UNK: variants seen among roughly 807,000 people sequenced by gnomAD.
The protein encoded by UNK is RING finger protein unkempt homolog.
In UNK, 32 loss-of-function variants were observed where a neutral mutation model predicts 97.6. The observed-to-expected ratio is 0.33, with a 90% CI of 0.25 to 0.44. UNK has a LOEUF of 0.44. Ranked by LOEUF, UNK falls within the 20% of genes least tolerant of loss-of-function variation. UNK has a pLI of 1.00. For missense variants in UNK, 771 were observed against 1,098.4 expected, an observed-to-expected ratio of 0.70 and a Z score of 4.21; for synonymous variants, 441 against 461.2, an observed-to-expected ratio of 0.96 and a Z score of 0.56.
intron 1 of UNK, among the ~76,000 whole-genome samples, chr17:75,788,462 G>A (rs1425101202): frequency 6.6e-6 from 1 of 152,104 alleles, no homozygotes; most frequent in Non-Finnish European, 1.5e-5. Context: ...ACAGGCGTGA[G>A]CCACTGTTCC....
intron 1 of UNK, chr17:75,792,387 A>G (rs2061770576): frequency 1.0e-6 from 1 of 985,376 alleles, no homozygotes; most frequent in Non-Finnish European, 1.2e-6. Flanking sequence ...AACTATGGAC[A>G]GTTATGGCTA....
chr17:75,795,776 CTA>C (rs2061800581), intron 1 of UNK, among the ~76,000 whole-genome samples: 1 of 152,164 alleles, frequency 6.6e-6, no homozygotes, highest in African/African-American at 2.4e-5. Context: ...TTCACCAGCT[CTA>C]GGCCCCACAG....
rs755854407 is a variant in UNK, at chr17:75,823,458, T to C, written c.2213T>C (p.Leu738Pro). 1 of 1,583,258 alleles carries C rather than the reference T, an allele frequency of 6.3e-7. No individual in the cohort carries two copies. Among genetic ancestry groups the C allele is most frequent in the South Asian group, 1.1e-5 (1 of 88,168 alleles). Residue 738 changes from leucine (L) to proline (P), a missense_variant, in exon 15 of 16, where the codon CTC (leucine) becomes CCC (proline). Physicochemically the swap from Leu to Pro is moderately conservative, Grantham distance 98 (BLOSUM62 -3). Coordinates refer to ENST00000589666, the MANE Select transcript of UNK (RefSeq NM_001080419.3). Reference sequence around the variant, plus strand: ...CCCGCCTTCTCCGACCTGGAGGCGCTCTCACTCTCCACCCTCTACTCCCTC... The same window carrying C: ...CCCGCCTTCTCCGACCTGGAGGCGCCCTCACTCTCCACCCTCTACTCCCTC... Reference protein sequence around the residue: ...ALPAFSDLEALSLSTLYSLQK... With the variant: ...ALPAFSDLEAPSLSTLYSLQK...
At position 75,798,111 on chromosome 17, in the gene UNK, C is replaced by T. The variant is rs192684831; in HGVS notation, c.105-11649C>T. ...TTAAGACAGAGTCTTGCTCTTGTCACCCAGGCTGGAGTGCAATGGCACGAT... is the reference window on the plus strand; with the variant it reads ...TTAAGACAGAGTCTTGCTCTTGTCATCCAGGCTGGAGTGCAATGGCACGAT... On this transcript the variant is annotated intron_variant, in intron 1 of 15. Transcript: ENST00000589666. Among the ~76,000 whole-genome samples, 236 of 150,752 alleles carry T rather than the reference C, an allele frequency of 1.6e-3. 2 individuals are homozygous for T. Among genetic ancestry groups the T allele is most frequent in the Non-Finnish European group, 1.6e-3 (107 of 67,784 alleles).
In UNK at chr17:75,824,107, C is replaced by G. The variant is rs1449084501; in HGVS notation, c.2278-155C>G. ...CCCATGCAGAGGTGGACTCAGCCTGCTCTCTCACCTGCCAACAGGGGTCTG... is the reference window on the plus strand; with the variant it reads ...CCCATGCAGAGGTGGACTCAGCCTGGTCTCTCACCTGCCAACAGGGGTCTG... On this transcript the variant is annotated intron_variant, in intron 15 of 15. Coordinates refer to ENST00000589666, the MANE Select transcript of UNK (RefSeq NM_001080419.3). This position sits in a 1 kb window ranked among gnomAD's most constrained non-coding sequence, Gnocchi z 4.9. Among the ~76,000 whole-genome samples, 1 of 152,118 alleles carries G rather than the reference C, an allele frequency of 6.6e-6. No homozygotes were observed. The highest frequency in any genetic ancestry group is 2.4e-5 in the African/African-American group (1 of 41,408).
rs117525642 is a variant in UNK at position 75,819,651 on chromosome 17, G to A, written c.1547-33G>A. 93 of 1,604,782 alleles carry A rather than the reference G, an allele frequency of 5.8e-5. No individual in the cohort carries two copies. The East Asian group carries it at 9.1e-4, about 16-fold the overall frequency. ...GGTGGTCAGGGTCAGATAGTCCCTCGGGAGGTCACATCCCACTCTTCTCTG... is the reference window on the plus strand; with the variant it reads ...GGTGGTCAGGGTCAGATAGTCCCTCAGGAGGTCACATCCCACTCTTCTCTG... On this transcript the variant is annotated intron_variant, in intron 11 of 15. Transcript: ENST00000589666. The surrounding 1 kb of genome is among the most constrained non-coding windows in gnomAD (Gnocchi z 5.4).
In UNK at chr17:75,816,037, G is replaced by A. The variant is rs1023444974; in HGVS notation, c.962-733G>A. Among the ~76,000 whole-genome samples the A allele has an allele frequency of 1.3e-4, 19 of 151,422 alleles. No individual in the cohort carries two copies. The highest frequency in any genetic ancestry group is 2.9e-5 in the Non-Finnish European group (2 of 67,910). On this transcript the variant is annotated intron_variant, in intron 7 of 15. Transcript: ENST00000589666. The surrounding 1 kb of genome is among the most constrained non-coding windows in gnomAD (Gnocchi z 4.0). ...ATATCAAGACATTTCACCTTTTTTT[G>A]TACTAAGTCTATGAGATCTGATAGC...
chr17:75,792,561 A>G, intron 1 of UNK: 1 of 837,092 alleles, frequency 1.2e-6, no homozygotes, highest in African/African-American at 1.8e-5. Context: ...TAGGTTTACT[A>G]TCCCTCTGGA....
chr17:75,806,058 ACAC>A (rs1007964955), intron 1 of UNK, among the ~76,000 whole-genome samples: 2 of 150,524 alleles, frequency 1.3e-5, no homozygotes, highest in African/African-American at 4.9e-5. Context: ...AGCTGAGATC[ACAC>A]CACTTCACTC....
intron 1 of UNK, among the ~76,000 whole-genome samples, chr17:75,807,212 G>C (rs2143757818): frequency 6.6e-6 from 1 of 152,288 alleles, no homozygotes; most frequent in Admixed American, 6.5e-5. Flanking sequence ...AGAACTACCA[G>C]GTTTAGCAAA....
In UNK at chr17:75,816,622, G is replaced by T; in HGVS notation, c.962-148G>T. 1 of 1,015,382 alleles carries T rather than the reference G, an allele frequency of 9.8e-7. No individual in the cohort carries two copies. Among genetic ancestry groups the T allele is most frequent in the Non-Finnish European group, 1.4e-6 (1 of 728,858 alleles). 62.9% of individuals were successfully genotyped at this position (1,015,382 alleles called of 1,614,324 possible). The stretch of plus-strand genomic sequence containing the variant: ...GCACAGTGCCTGGCACACAGTAAAT[G>T]CACAGACATGGTGTTACTAGAGATG... On this transcript the variant is annotated intron_variant, in intron 7 of 15. Coordinates refer to ENST00000589666, the MANE Select transcript of UNK (RefSeq NM_001080419.3). This position sits in a 1 kb window ranked among gnomAD's most constrained non-coding sequence, Gnocchi z 4.0.
At position 75,822,667 on chromosome 17, in the gene UNK, C is replaced by G; in HGVS notation, c.2019+9C>G. 1 of 1,587,924 alleles carries G rather than the reference C, an allele frequency of 6.3e-7. No individual in the cohort carries two copies. The highest frequency in any genetic ancestry group is 8.6e-7 in the Non-Finnish European group (1 of 1,164,558). ...GGAAGCAGGCCAAGCAGGTACCAGG[C>G]CCCGTGCCTGCCGGCCTTCCCCAGT... On this transcript the variant is annotated intron_variant, in intron 14 of 15. Coordinates refer to ENST00000589666, the MANE Select transcript of UNK (RefSeq NM_001080419.3).
intron 1 of UNK, among the ~76,000 whole-genome samples, chr17:75,787,353 A>G (rs2061721931): frequency 6.6e-6 from 1 of 152,056 alleles, no homozygotes; most frequent in Admixed American, 6.6e-5. Flanking sequence ...CTGGGACTAC[A>G]GGCACACCTG....
At chr17:75,786,190 C>G (rs913878315) in intron 1 of UNK, among the ~76,000 whole-genome samples, 1 of 152,188 alleles carries the variant, frequency 6.6e-6, no homozygotes, top group Non-Finnish European at 1.5e-5. Context: ...ATGGACATTG[C>G]TTTCCTGGTC....
rs56221993 is a variant in UNK at position 75,802,242 on chromosome 17, C to CTTTTT, written c.105-7488_105-7484dup. ...TGATGGATTTTTTCAGCACAGATGT[C>CTTTTT]TTTTTTTTTTTTTTTTTTTTTTTTT... On this transcript the variant is annotated intron_variant, in intron 1 of 15. Coordinates refer to ENST00000589666, the MANE Select transcript of UNK (RefSeq NM_001080419.3). Among the ~76,000 whole-genome samples, 109 of 47,260 alleles carry CTTTTT rather than the reference C, an allele frequency of 2.3e-3. 29 individuals are homozygous for CTTTTT. Among genetic ancestry groups the CTTTTT allele is most frequent in the Middle Eastern group, 0.042 (2 of 48 alleles). 31.0% of individuals were successfully genotyped at this position (47,260 alleles called of 152,430 possible).
chr17:75,806,429 C>G (rs1380135709), intron 1 of UNK, among the ~76,000 whole-genome samples: 1 of 146,160 alleles, frequency 6.8e-6, no homozygotes, highest in Non-Finnish European at 1.5e-5. Context: ...CACCACTGCA[C>G]TCTAGCCTGG....
At position 75,813,894 on chromosome 17, in the gene UNK, G is replaced by C; in HGVS notation, c.876+16G>C. On this transcript the variant is annotated intron_variant, in intron 6 of 15. Coordinates refer to ENST00000589666, the MANE Select transcript of UNK (RefSeq NM_001080419.3). ...CCACCCCGAGGTGGGCCCCACAGCA[G>C]GGTGGGGGGGTGGCTTTGGGAAGTA... 1 of 1,549,586 alleles carries C rather than the reference G, an allele frequency of 6.5e-7. No homozygotes were observed. Among genetic ancestry groups the C allele is most frequent in the Non-Finnish European group, 8.7e-7 (1 of 1,146,576 alleles).
intron 13 of UNK, 81 bp from the exon 14 acceptor site, chr17:75,822,396 C>T: frequency 1.3e-6 from 2 of 1,489,092 alleles, no homozygotes; most frequent in South Asian, 1.3e-5. Context: ...ACAGCCAGTC[C>T]CTGGAACCTC....
chr17:75,815,292 C>CA, intron 7 of UNK, 39 bp downstream of exon 7: 1 of 1,576,852 alleles, frequency 6.3e-7, no homozygotes. Flanking sequence ...TGCCCTCTCC[C>CA]ACCCCTCCCT....
Sources: gnomAD v4.1 joint callset for allele counts (sites outside exome capture counted in the v4.1 genomes callset) on GRCh38, gnomAD v4.1.1 for gene constraint, Gnocchi (gnomAD v3.1) non-coding constraint, MANE v1.5 for transcripts, NCBI Gene and HGNC (gene_info 2026-07-23, HGNC 2026-07-21) for gene names.